The following NAA11 variants were observed in gnomAD, a reference collection of about 807,000 sequenced individuals.
The protein encoded by NAA11 is N-alpha-acetyltransferase 11.
In NAA11, 15 loss-of-function variants were observed where a neutral mutation model predicts 16.1. That is an observed-to-expected ratio of 0.93 (90% CI 0.62 to 1.44). NAA11 has a LOEUF of 1.44. Among genes scored for constraint, NAA11 ranks in the 40% most tolerant of loss-of-function variants. NAA11 has a pLI of 0.00. For synonymous variants in NAA11, 122 were observed against 112.4 expected (o/e 1.09, Z -0.54); for missense variants, 298 against 291.3 (o/e 1.02, Z -0.17).
intron 2 of NAA11, among the ~76,000 whole-genome samples, chr4:79,271,781 A>T (rs1426707734): frequency 6.6e-6 from 1 of 152,030 alleles, no homozygotes; most frequent in Non-Finnish European, 1.5e-5. Context: ...TTGGCTAATG[A>T]AGTGAAAGGG....
intron 2 of NAA11, among the ~76,000 whole-genome samples, chr4:79,238,565 C>T (rs2109959771): frequency 6.6e-6 from 1 of 152,200 alleles, no homozygotes; most frequent in Non-Finnish European, 1.5e-5. Context: ...TTACCTAGAA[C>T]ACAGAGCTTC....
At chr4:79,185,740 G>C in the NAA11 span, among the ~76,000 whole-genome samples, 1 of 152,048 alleles carries the variant, frequency 6.6e-6, no homozygotes, top group Admixed American at 6.6e-5. Context: ...AATTAGCTTT[G>C]AGTTATTCCA....
At chr4:79,299,202 A>G (rs1723315987) in intron 1 of NAA11, 1 of 152,218 alleles carries the variant, frequency 6.6e-6, no homozygotes, top group African/African-American at 2.4e-5. Context: ...GACTCCTGCA[A>G]TGATTTTATT....
intron 1 of NAA11, among the ~76,000 whole-genome samples, chr4:79,310,610 C>T (rs1994191): frequency 0.58 from 88,312 of 152,050 alleles, 25,990 homozygotes; most frequent in East Asian, 0.85. Context: ...CTTTTGAAAG[C>T]TGTGGCTCAA....
At chr4:79,255,293 T>A (rs1722083066) in intron 2 of NAA11, among the ~76,000 whole-genome samples, 1 of 152,188 alleles carries the variant, frequency 6.6e-6, no homozygotes. Context: ...TTTGTACATG[T>A]CTTTGGTGGG....
At chr4:79,214,451 T>C in the NAA11 span, among the ~76,000 whole-genome samples, 1 of 151,976 alleles carries the variant, frequency 6.6e-6, no homozygotes, top group Non-Finnish European at 1.5e-5. Context: ...CCATATGTGG[T>C]CCCCCCTCAT....
the NAA11 span, among the ~76,000 whole-genome samples, chr4:79,220,387 T>A: frequency 4.6e-5 from 7 of 151,852 alleles, no homozygotes; most frequent in African/African-American, 1.7e-4. Flanking sequence ...GCCACTGTGC[T>A]GGGCTTTCTG....
the NAA11 span, among the ~76,000 whole-genome samples, chr4:79,180,644 A>G: frequency 7.2e-5 from 11 of 152,230 alleles, no homozygotes; most frequent in Admixed American, 7.2e-4. Flanking sequence ...ACTGTAAACT[A>G]GTTCAACCAT....
downstream of NAA11, among the ~76,000 whole-genome samples, chr4:79,315,926 A>C (rs1240724026): frequency 6.6e-6 from 1 of 152,226 alleles, no homozygotes; most frequent in African/African-American, 2.4e-5. Flanking sequence ...TCCTGGTACG[A>C]GACTGGGAAA....
chr4:79,160,686 C>T, the NAA11 span, among the ~76,000 whole-genome samples: 2 of 152,126 alleles, frequency 1.3e-5, no homozygotes, highest in South Asian at 4.2e-4. Context: ...ATCTTTTGCC[C>T]ATTTTAAAAT....
chr4:79,173,006 C>A, the NAA11 span, among the ~76,000 whole-genome samples: 1 of 152,142 alleles, frequency 6.6e-6, no homozygotes, highest in Non-Finnish European at 1.5e-5. Context: ...TAAGACCACA[C>A]TTGTTGCTCT....
intron 1 of NAA11, among the ~76,000 whole-genome samples, chr4:79,295,585 T>G (rs1723197461): frequency 6.6e-6 from 1 of 152,164 alleles, no homozygotes; most frequent in African/African-American, 2.4e-5. Flanking sequence ...CAGGAGTTGG[T>G]TTATCCCCCC....
intron 1 of NAA11, among the ~76,000 whole-genome samples, chr4:79,319,175 G>A (rs990689975): frequency 3.3e-5 from 5 of 152,212 alleles, no homozygotes; most frequent in South Asian, 2.1e-4. Flanking sequence ...CAAAGCTCCC[G>A]CCTTGGCCTC....
chr4:79,181,322 C>T, the NAA11 span, among the ~76,000 whole-genome samples: 1 of 151,798 alleles, frequency 6.6e-6, no homozygotes, highest in Non-Finnish European at 1.5e-5. Flanking sequence ...TAGGGAGGTG[C>T]GTTCTTGCTC....
intron 2 of NAA11, among the ~76,000 whole-genome samples, chr4:79,244,430 A>G (rs1721759140): frequency 6.6e-6 from 1 of 152,114 alleles, no homozygotes; most frequent in Non-Finnish European, 1.5e-5. Flanking sequence ...TTCACTTAGT[A>G]TTTATTTGTT....
intron 2 of NAA11, among the ~76,000 whole-genome samples, chr4:79,229,802 C>T (rs1376660987): frequency 6.6e-6 from 1 of 151,928 alleles, no homozygotes; most frequent in Non-Finnish European, 1.5e-5. Flanking sequence ...TATTATATGA[C>T]TGCCTTGAGG....
At chr4:79,214,124 A>G in the NAA11 span, among the ~76,000 whole-genome samples, 4 of 152,220 alleles carry the variant, frequency 2.6e-5, no homozygotes, top group Non-Finnish European at 5.9e-5. Context: ...GTTGCTGATC[A>G]TGAGTATTTT....
rs1721530931 is a variant in NAA11 at position 79,234,545 on chromosome 4, A to G, written c.*123-8275T>C. Among the ~76,000 whole-genome samples, 3 of 152,142 alleles carry G rather than the reference A, an allele frequency of 2.0e-5. 1 individual carries two copies. Among genetic ancestry groups the G allele is most frequent in the Admixed American group, 2.0e-4 (3 of 15,272 alleles). The stretch of plus-strand genomic sequence containing the variant: ...GTTTTTGGGTTCATGCTGACAATAG[A>G]AAGCAGTGAATTTAGACCACATTGC... On this transcript the variant is annotated intron_variant and NMD_transcript_variant, in intron 2 of 2. Coordinates refer to the NAA11 transcript ENST00000511542.
chr4:79,319,872 A>G (rs1724040537), intron 1 of NAA11, among the ~76,000 whole-genome samples: 1 of 152,194 alleles, frequency 6.6e-6, no homozygotes, highest in Admixed American at 6.5e-5. Context: ...AGTTATAATT[A>G]GTTGTCTGGT....
Sources: gnomAD v4.1 joint callset for allele counts (sites outside exome capture counted in the v4.1 genomes callset) on GRCh38, gnomAD v4.1.1 for gene constraint, MANE v1.5 for transcripts, NCBI Gene and HGNC (gene_info 2026-07-23, HGNC 2026-07-21) for gene names.